Variants in ENTPD5 observed in about 807,000 individuals in gnomAD.
ENTPD5 encodes the protein ectonucleoside triphosphate diphosphohydrolase 5 (inactive), also known as nucleoside diphosphate phosphatase ENTPD5.
ENTPD5 carries 49 observed loss-of-function variants against 60.2 expected under a neutral mutation model. The observed-to-expected ratio is 0.81, with a 90% CI of 0.65 to 1.03. The LOEUF is 1.03. Ranked by LOEUF, ENTPD5 falls within the 50% of genes least tolerant of loss-of-function variation. The pLI, the probability that ENTPD5 is intolerant of heterozygous loss-of-function variation, is 0.00. For missense variants in ENTPD5, 480 were observed against 507.6 expected (o/e 0.95, Z 0.52); for synonymous variants, 187 against 185.4 (o/e 1.01, Z -0.07).
intron 5 of ENTPD5, among the ~76,000 whole-genome samples, chr14:73,984,894 C>T (rs969657340): frequency 3.9e-5 from 6 of 152,084 alleles, no homozygotes; most frequent in African/African-American, 1.4e-4. Flanking sequence ...GCTTTCCCTC[C>T]CTGCTCCCGC....
Position 73,975,947 on chromosome 14 carries a change from G to A in ENTPD5, c.711C>T (p.Leu237=). Residue 237 remains leucine (L), a synonymous_variant, in exon 10 of 16, where the codon CTC becomes CTT. Transcript: ENST00000334696. ...SFEMFNSTYK[L]YTHSYLGFGL... is the part of the protein sequence containing the mutation. Reference sequence around the variant, plus strand: ...GTCCCCGTCCTCACCTATGTGTATAGAGCTTATAAGTGCTGTTAAACATCT... The same window carrying A: ...GTCCCCGTCCTCACCTATGTGTATAAAGCTTATAAGTGCTGTTAAACATCT... 1.9e-6 allele frequency: 3 copies of A among 1,611,666 alleles called. No homozygotes were observed. Among genetic ancestry groups the A allele is most frequent in the Non-Finnish European group, 2.5e-6 (3 of 1,178,146 alleles).
chr14:73,974,113 C>T (rs1594855151), intron 11 of ENTPD5, 135 bp from the exon 12 acceptor site: 3 of 683,860 alleles, frequency 4.4e-6, no homozygotes, highest in African/African-American at 3.6e-5. Context: ...AATTCCATGA[C>T]AACATCCTGT....
downstream of ENTPD5, chr14:73,959,311 A>G (rs759004340): frequency 4.3e-6 from 7 of 1,614,066 alleles, no homozygotes; most frequent in East Asian, 4.5e-5. Context: ...TTTCAAGGGA[A>G]TCTGCCCAGG....
chr14:73,955,502 G>C, downstream of ENTPD5: 1 of 1,613,916 alleles, frequency 6.2e-7, no homozygotes, highest in Non-Finnish European at 8.5e-7. Context: ...GCCTTTCGGC[G>C]AATGCAGGTG....
downstream of ENTPD5, chr14:73,958,787 T>C: frequency 6.7e-7 from 1 of 1,500,774 alleles, no homozygotes; most frequent in Non-Finnish European, 8.9e-7. Context: ...TTTGGCTCTG[T>C]TGGCTGAGGC....
chr14:73,992,975 C>A (rs957255803), intron 3 of ENTPD5, among the ~76,000 whole-genome samples: 2 of 152,056 alleles, frequency 1.3e-5, no homozygotes, highest in African/African-American at 4.8e-5. Flanking sequence ...TGCACTCCAG[C>A]ATGAGAGATA....
At position 73,987,798 on chromosome 14, in the gene ENTPD5, C is replaced by T. The variant is rs181232446; in HGVS notation, c.217+88G>A. ...ACTAGGTGTGAGATTCTGTAATTCACATAATAAACTCTCAGCATATTTGTT... is the reference window on the plus strand; with the variant it reads ...ACTAGGTGTGAGATTCTGTAATTCATATAATAAACTCTCAGCATATTTGTT... On this transcript the variant is annotated intron_variant, in intron 4 of 15. Coordinates refer to ENST00000334696, the MANE Select transcript of ENTPD5 (RefSeq NM_001249.5). The T allele has an allele frequency of 3.8e-5, 48 of 1,247,268 alleles. No homozygotes were observed. In the Admixed American group the frequency reaches 7.3e-4, roughly 19 times the overall value. The allele number at this position is 1,247,268 out of a possible 1,614,324, so 77.3% of individuals were successfully genotyped here.
At chr14:73,972,547 A>G (rs576480656) in intron 13 of ENTPD5, among the ~76,000 whole-genome samples, 4 of 152,338 alleles carry the variant, frequency 2.6e-5, no homozygotes, top group African/African-American at 9.6e-5. Flanking sequence ...AGACAGGAGG[A>G]AACTTTTTGT....
intron 3 of ENTPD5, chr14:74,003,516 A>C: frequency 9.1e-7 from 1 of 1,099,116 alleles, no homozygotes; most frequent in Non-Finnish European, 1.3e-6. Flanking sequence ...AGGAGCAGAA[A>C]CATGGAATGC....
intron 1 of ENTPD5, among the ~76,000 whole-genome samples, chr14:74,017,596 A>T (rs935005305): frequency 3.4e-4 from 50 of 147,438 alleles, no homozygotes; most frequent in Non-Finnish European, 6.1e-4. Context: ...AAAAAAAAAA[A>T]TTTTACAGCC....
intron 3 of ENTPD5, among the ~76,000 whole-genome samples, chr14:73,992,544 C>T (rs993559827): frequency 7.3e-5 from 11 of 151,500 alleles, no homozygotes; most frequent in Admixed American, 1.3e-4. Flanking sequence ...AAAAATTAGG[C>T]GTGGTGGCGC....
intron 6 of ENTPD5, among the ~76,000 whole-genome samples, chr14:73,977,661 C>A (rs1434380127): frequency 6.6e-6 from 1 of 152,194 alleles, no homozygotes; most frequent in Non-Finnish European, 1.5e-5. Context: ...ATATATTTAA[C>A]CCTGCCAGCT....
chr14:73,958,859 T>C (rs568033989), downstream of ENTPD5: 1 of 1,550,800 alleles, frequency 6.4e-7, no homozygotes, highest in East Asian at 2.4e-5. Flanking sequence ...CTGATGGAAT[T>C]ATCCTGCCAC....
At chr14:73,959,193 T>A, downstream of ENTPD5, 1 of 1,614,194 alleles carries the variant, frequency 6.2e-7, no homozygotes, top group Non-Finnish European at 8.5e-7. Flanking sequence ...TGGCAGAGAT[T>A]TCTTCCCTCT....
chr14:74,013,992 C>G (rs2058931098), intron 2 of ENTPD5, among the ~76,000 whole-genome samples: 1 of 152,126 alleles, frequency 6.6e-6, no homozygotes, highest in African/African-American at 2.4e-5. Flanking sequence ...AAGCAATCCT[C>G]CTACCTCGGC....
At position 73,974,942 on chromosome 14, in the gene ENTPD5, C is replaced by T. The variant is rs770680747; in HGVS notation, c.766G>A (p.Gly256Arg). 4 of 1,613,636 alleles carry T rather than the reference C, an allele frequency of 2.5e-6. No homozygotes were observed. The highest frequency in any genetic ancestry group is 1.3e-5 in the African/African-American group (1 of 74,924). The change falls in exon 11 of 16, where the codon GGA becomes AGA. Residue 256 changes from glycine (G) to arginine (R), a missense_variant. Coordinates refer to ENST00000334696, the MANE Select transcript of ENTPD5 (RefSeq NM_001249.5). ...GACAAACCTTCTGTCTCCAGGGCTCCCAGGGTTGCTAGTCTTGCAGCTTTC... is the reference window on the plus strand; with the variant it reads ...GACAAACCTTCTGTCTCCAGGGCTCTCAGGGTTGCTAGTCTTGCAGCTTTC... ...GLKAARLATL[G>R]ALETEGTDGH...
At chr14:73,976,544 GAATGTC>G (rs1459487172) in intron 8 of ENTPD5, 132 bp from the exon 9 acceptor site, 1 of 662,574 alleles carries the variant, frequency 1.5e-6, no homozygotes, top group African/African-American at 1.8e-5. Context: ...GGCTGCAGGT[GAATGTC>G]AACTCGGAAG....
intron 2 of ENTPD5, among the ~76,000 whole-genome samples, chr14:74,012,616 G>A (rs2058880715): frequency 6.6e-6 from 1 of 152,180 alleles, no homozygotes; most frequent in South Asian, 2.1e-4. Flanking sequence ...GTAAAGGTGT[G>A]TGTAAGACAA....
intron 4 of ENTPD5, 40 bp downstream of exon 4, chr14:73,987,846 T>C: frequency 6.3e-7 from 1 of 1,589,438 alleles, no homozygotes. Flanking sequence ...TGCTAAAGTG[T>C]GGATTTACAG....
Sources: allele counts gnomAD v4.1 joint callset (sites outside exome capture counted in the v4.1 genomes callset), GRCh38; gene constraint gnomAD v4.1.1; transcripts MANE v1.5; gene names NCBI Gene and HGNC (gene_info 2026-07-23, HGNC 2026-07-21).